Variants in LPAR6 observed in about 807,000 individuals in gnomAD.
LPAR6 encodes G-protein coupled purinergic receptor P2Y5.
LPAR6 carries 17 observed loss-of-function variants against 22.0 expected under a neutral mutation model. That is an observed-to-expected ratio of 0.77 (90% CI 0.53 to 1.16). The LOEUF (loss-of-function observed/expected upper bound fraction) is 1.16. Ranked by LOEUF, LPAR6 falls within the 50% of genes most tolerant of loss-of-function variation. LPAR6 has a pLI of 0.00. For missense variants in LPAR6, 384 were observed against 406.9 expected (o/e 0.94, Z 0.48); for synonymous variants, 136 against 139.8 (o/e 0.97, Z 0.19).
intron 1 of LPAR6, among the ~76,000 whole-genome samples, chr13:48,393,381 A>T (rs548164004): frequency 8.1e-4 from 123 of 152,230 alleles, no homozygotes; most frequent in Non-Finnish European, 1.0e-3. Context: ...TCATCTCTGG[A>T]CTGTGGACCA....
intron 2 of LPAR6, among the ~76,000 whole-genome samples, chr13:48,422,154 T>A (rs1949015866): frequency 6.6e-6 from 1 of 152,226 alleles, no homozygotes; most frequent in Non-Finnish European, 1.5e-5. Flanking sequence ...AAAGAAAATG[T>A]GGCACATATA....
At chr13:48,403,370 A>C (rs1046117433) in intron 1 of LPAR6, among the ~76,000 whole-genome samples, 1 of 152,280 alleles carries the variant, frequency 6.6e-6, no homozygotes, top group East Asian at 1.9e-4. Context: ...GGGGAGTGAA[A>C]CCCAGCAGTA....
intron 1 of LPAR6, among the ~76,000 whole-genome samples, chr13:48,444,380 G>A (rs1264545493): frequency 6.6e-6 from 1 of 152,116 alleles, no homozygotes; most frequent in Non-Finnish European, 1.5e-5. Flanking sequence ...ATCTGGGTGT[G>A]GTGGCATGCC....
At chr13:48,403,155 C>T (rs922712718) in intron 1 of LPAR6, among the ~76,000 whole-genome samples, 2 of 152,110 alleles carry the variant, frequency 1.3e-5, no homozygotes, top group Non-Finnish European at 2.9e-5. Context: ...TGTAAAAACA[C>T]TATTTTTTAG....
At chr13:48,425,651 C>T (rs887214577) in intron 1 of LPAR6, among the ~76,000 whole-genome samples, 1 of 151,890 alleles carries the variant, frequency 6.6e-6, no homozygotes, top group South Asian at 2.1e-4. Context: ...CCAGGAATTC[C>T]AGTTTAGCCT....
intron 1 of LPAR6, among the ~76,000 whole-genome samples, chr13:48,433,801 C>T (rs1410836247): frequency 6.6e-6 from 1 of 151,658 alleles, no homozygotes; most frequent in East Asian, 1.9e-4. Context: ...TTATTCCATT[C>T]ATCATCTTTG....
Position 48,396,067 on chromosome 13 carries a change from C to T in LPAR6, n.115-6255G>A, listed in dbSNP as rs1310592401. On this transcript the variant is annotated intron_variant and non_coding_transcript_variant, in intron 1 of 1. Coordinates refer to the LPAR6 transcript ENST00000462781. ...AAATTATAGCGTGAAAATGGCCATA[C>T]TGCCCACAGTAATTTATAGATTCAA... 2.0e-5 allele frequency among the ~76,000 whole-genome samples: 3 copies of T among 152,316 alleles called. No individual in the cohort carries two copies. In the South Asian group the frequency reaches 6.2e-4, roughly 32 times the overall value.
chr13:48,427,031 C>T (rs1480917549), upstream of LPAR6: 1 of 153,064 alleles, frequency 6.5e-6, no homozygotes, highest in African/African-American at 2.4e-5. Flanking sequence ...AAGCAGATCT[C>T]TTGTGAACTA....
upstream of LPAR6, among the ~76,000 whole-genome samples, chr13:48,429,847 T>G (rs935498134): frequency 6.6e-6 from 1 of 152,170 alleles, no homozygotes; most frequent in African/African-American, 2.4e-5. Flanking sequence ...AGGAATAAGC[T>G]TAATAGGCAA....
intron 1 of LPAR6, among the ~76,000 whole-genome samples, chr13:48,437,613 C>G (rs1427256450): frequency 1.3e-5 from 2 of 152,156 alleles, no homozygotes; most frequent in African/African-American, 4.8e-5. Flanking sequence ...GGCCTCAGTT[C>G]TTTGCTGGCT....
At chr13:48,420,449 T>G (rs903970569) in intron 2 of LPAR6, among the ~76,000 whole-genome samples, 6 of 152,184 alleles carry the variant, frequency 3.9e-5, no homozygotes, top group African/African-American at 1.4e-4. Flanking sequence ...CAGCAAAAGC[T>G]GGAAGCATTC....
chr13:48,440,140 A>G (rs1949222730), intron 1 of LPAR6, among the ~76,000 whole-genome samples: 1 of 152,110 alleles, frequency 6.6e-6, no homozygotes, highest in South Asian at 2.1e-4. Flanking sequence ...TAAAAGGGAA[A>G]CCTGGCATGC....
chr13:48,400,980 G>T (rs540510922), intron 1 of LPAR6, among the ~76,000 whole-genome samples: 1 of 152,192 alleles, frequency 6.6e-6, no homozygotes, highest in East Asian at 1.9e-4. Context: ...AATGGAAAAA[G>T]TTCAGGGGGA....
chr13:48,391,449 C>T lies in LPAR6; in HGVS notation n.115-1637G>A, dbSNP rs1287187322. On this transcript the variant is annotated intron_variant and non_coding_transcript_variant, in intron 1 of 1. Transcript: ENST00000462781. The stretch of plus-strand genomic sequence containing the variant: ...TGTAGATCCAGATTCCTTTTGTTTT[C>T]CTTCTGACTGTAAAACTTTTTTTGG... 4.0e-5 allele frequency: 4 copies of T among 100,148 alleles called. No homozygotes were observed. In the East Asian group the frequency reaches 1.2e-3, roughly 29 times the overall value. 6.2% of individuals were successfully genotyped at this position (100,148 alleles called of 1,614,324 possible).
At position 48,412,180 on chromosome 13, in the gene LPAR6, A is replaced by G. The variant is rs1593483393; in HGVS notation, c.244T>C (p.Trp82Arg). The G allele has an allele frequency of 6.2e-7, 1 of 1,614,068 alleles. No individual in the cohort carries two copies. Reference sequence around the variant, plus strand: ...TTACAAAGTAAATCTCCAAATGGCCAATTCCGTGTTGTGAAGTAAAAAATC... The same window carrying G: ...TTACAAAGTAAATCTCCAAATGGCCGATTCCGTGTTGTGAAGTAAAAAATC... Reference protein sequence around the residue: ...FRIFYFTTRNWPFGDLLCKIS... With the variant: ...FRIFYFTTRNRPFGDLLCKIS... Residue 82 changes from tryptophan (W) to arginine (R), a missense_variant, in exon 1 of 1, where the codon TGG becomes CGG. Coordinates refer to ENST00000620633, the MANE Select transcript of LPAR6 (RefSeq NM_001162498.3).
intron 2 of LPAR6, chr13:48,422,589 A>G (rs1949022871): frequency 6.6e-6 from 1 of 152,084 alleles, no homozygotes; most frequent in South Asian, 2.1e-4. Context: ...GATTTGAAAT[A>G]TAGTGTATCA....
intron 1 of LPAR6, among the ~76,000 whole-genome samples, chr13:48,396,539 A>G (rs1046672415): frequency 1.3e-5 from 2 of 152,248 alleles, no homozygotes; most frequent in Non-Finnish European, 2.9e-5. Context: ...AAAACCATAA[A>G]AACCCTAGAA....
At chr13:48,418,709 C>CA (rs1217781825) in intron 2 of LPAR6, among the ~76,000 whole-genome samples, 3,738 of 109,842 alleles carry the variant, frequency 0.034, 58 homozygotes, top group East Asian at 0.08. Flanking sequence ...AAATGGAAAG[C>CA]AAAAAAAAAA....
chr13:48,392,271 C>T (rs1034935954), intron 1 of LPAR6, among the ~76,000 whole-genome samples: 25 of 151,764 alleles, frequency 1.6e-4, no homozygotes, highest in African/African-American at 5.3e-4. Flanking sequence ...CCACCATGCC[C>T]GGCTAATTTT....
Sources: gnomAD v4.1 joint callset for allele counts (sites outside exome capture counted in the v4.1 genomes callset) on GRCh38, gnomAD v4.1.1 for gene constraint, MANE v1.5 for transcripts, NCBI Gene and HGNC (gene_info 2026-07-23, HGNC 2026-07-21) for gene names.